AMMECR1: variants seen among roughly 807,000 people sequenced by gnomAD.
The protein encoded by AMMECR1 is nuclear protein AMMECR1.
A neutral mutation model predicts 22.5 loss-of-function variants in AMMECR1; 3 were observed. The observed-to-expected ratio is 0.13, with a 90% CI of 0.06 to 0.35. The LOEUF (loss-of-function observed/expected upper bound fraction) is 0.35. Among genes scored for constraint, AMMECR1 ranks in the 10% least tolerant of loss-of-function variants. The pLI is 1.00. For synonymous variants in AMMECR1, 130 were observed against 116.7 expected (o/e 1.11, Z -0.74); for missense variants, 235 against 278.7 (o/e 0.84, Z 1.12).
chrX:110,316,578 T>TAA (rs1256217160), intron 1 of AMMECR1, among the ~76,000 whole-genome samples: 1 of 102,256 alleles, frequency 9.8e-6, no homozygotes. Flanking sequence ...GTTTACACAT[T>TAA]AAAAAAAAAA....
chrX:110,367,306 C>T (rs1268557937), intron 2 of AMMECR1, among the ~76,000 whole-genome samples: 3 of 112,035 alleles, frequency 2.7e-5, no homozygotes, highest in South Asian at 3.7e-4. Flanking sequence ...TCTGCTCATT[C>T]GTTCCAATTT....
chrX:110,386,682 G>A (rs774430258), intron 2 of AMMECR1, among the ~76,000 whole-genome samples: 28 of 111,137 alleles, frequency 2.5e-4, no homozygotes, highest in African/African-American at 7.5e-4. Flanking sequence ...TTGTAAGTTC[G>A]CATATAATAA....
intron 1 of AMMECR1, among the ~76,000 whole-genome samples, chrX:110,281,921 C>G (rs1463219211): frequency 8.9e-6 from 1 of 112,256 alleles, no homozygotes; most frequent in Non-Finnish European, 1.9e-5. Flanking sequence ...GGTCCTATTC[C>G]TATCCCCTGA....
intron 1 of AMMECR1, among the ~76,000 whole-genome samples, chrX:110,302,801 A>G (rs1164895875): frequency 1.8e-5 from 2 of 110,322 alleles, no homozygotes; most frequent in Non-Finnish European, 3.8e-5. Context: ...TTGAACCCAG[A>G]AGGCAGAGGT....
chrX:110,243,384 G>A (rs1457924501), intron 2 of AMMECR1, among the ~76,000 whole-genome samples: 1 of 112,110 alleles, frequency 8.9e-6, no homozygotes, highest in Non-Finnish European at 1.9e-5. Flanking sequence ...AACAACTCTT[G>A]TAAATTGGAA....
chrX:110,330,720 T>C (rs1029419182), intron 2 of AMMECR1, among the ~76,000 whole-genome samples: 1 of 111,625 alleles, frequency 9.0e-6, no homozygotes, highest in Non-Finnish European at 1.9e-5. Context: ...AAACCCATCT[T>C]CCACTAACTT....
intron 2 of AMMECR1, among the ~76,000 whole-genome samples, chrX:110,230,842 A>G (rs1248694998): frequency 8.9e-6 from 1 of 112,119 alleles, no homozygotes; most frequent in African/African-American, 3.2e-5. Flanking sequence ...CTTAAGTGAC[A>G]TGATGGAGCT....
chrX:110,395,620 G>A (rs1439095086), intron 2 of AMMECR1, among the ~76,000 whole-genome samples: 1 of 112,300 alleles, frequency 8.9e-6, no homozygotes, highest in Non-Finnish European at 1.9e-5. Flanking sequence ...TAACTTTTGA[G>A]ACAACCTTTT....
At chrX:110,370,199 T>A (rs941835078) in intron 2 of AMMECR1, among the ~76,000 whole-genome samples, 6 of 111,671 alleles carry the variant, frequency 5.4e-5, no homozygotes, top group East Asian at 5.6e-4. Flanking sequence ...TTAAAATTTT[T>A]AAATTTTTAT....
At chrX:110,312,023 G>C (rs2068025613) in intron 1 of AMMECR1, among the ~76,000 whole-genome samples, 1 of 112,253 alleles carries the variant, frequency 8.9e-6, no homozygotes, top group Non-Finnish European at 1.9e-5. Flanking sequence ...GTTTGAAAAA[G>C]AGACTATTTA....
At chrX:110,269,526 T>C (rs1184323011) in intron 1 of AMMECR1, among the ~76,000 whole-genome samples, 2 of 100,098 alleles carry the variant, frequency 2.0e-5, no homozygotes, top group Admixed American at 1.1e-4. Context: ...GTTATTTATA[T>C]TGGGGGGGGG....
intron 1 of AMMECR1, among the ~76,000 whole-genome samples, chrX:110,280,922 T>G (rs1006442943): frequency 2.7e-5 from 3 of 112,161 alleles, no homozygotes; most frequent in African/African-American, 9.7e-5. Context: ...TTTATCAAGA[T>G]CTCAGTTTTA....
At chrX:110,346,979 A>T in intron 2 of AMMECR1, 1 of 498,971 alleles carries the variant, frequency 2.0e-6, no homozygotes, top group Non-Finnish European at 3.7e-6. Flanking sequence ...GGGCCGCTAA[A>T]TATCATTTTT....
intron 1 of AMMECR1, among the ~76,000 whole-genome samples, chrX:110,279,804 A>T (rs2067843717): frequency 8.9e-6 from 1 of 111,985 alleles, no homozygotes; most frequent in Non-Finnish European, 1.9e-5. Flanking sequence ...AATATGGAAA[A>T]AATATGATTG....
At chrX:110,378,008 CAAAAAAAAAA>C (rs755483656) in intron 2 of AMMECR1, among the ~76,000 whole-genome samples, 7 of 30,961 alleles carry the variant, frequency 2.3e-4, no homozygotes, top group Non-Finnish European at 4.1e-4. Flanking sequence ...GACTCCGTCT[CAAAAAAAAAA>C]AAAAAAAAAA....
At chrX:110,340,941 G>A (rs1340925458) in intron 2 of AMMECR1, among the ~76,000 whole-genome samples, 1 of 112,426 alleles carries the variant, frequency 8.9e-6, no homozygotes, top group Non-Finnish European at 1.9e-5. Flanking sequence ...ATAGAGTTTG[G>A]CTTAAATGCC....
intron 2 of AMMECR1, among the ~76,000 whole-genome samples, chrX:110,346,076 T>C (rs1470846457): frequency 8.9e-6 from 1 of 112,356 alleles, no homozygotes; most frequent in Non-Finnish European, 1.9e-5. Context: ...ATTTTATTCT[T>C]TAAAAGATTT....
At chrX:110,238,915 A>C (rs938725250) in intron 2 of AMMECR1, among the ~76,000 whole-genome samples, 1 of 112,080 alleles carries the variant, frequency 8.9e-6, no homozygotes, top group African/African-American at 3.2e-5. Context: ...CAGGGTCTGG[A>C]GTGGACCTCC....
intron 2 of AMMECR1, among the ~76,000 whole-genome samples, chrX:110,227,552 C>T (rs1486670731): frequency 1.8e-5 from 2 of 112,432 alleles, no homozygotes; most frequent in African/African-American, 6.5e-5. Context: ...ATTTTCCTTT[C>T]TCTTCTTCCT....
Sources: allele counts gnomAD v4.1 joint callset (sites outside exome capture counted in the v4.1 genomes callset), GRCh38; gene constraint gnomAD v4.1.1; transcripts MANE v1.5; gene names NCBI Gene and HGNC (gene_info 2026-07-23, HGNC 2026-07-21).